RAPGEF4: variants seen among roughly 807,000 people sequenced by gnomAD.
The protein encoded by RAPGEF4 is Rap guanine nucleotide exchange factor 4, also known as RAP guanine-nucleotide-exchange factor (GEF) 4.
A neutral mutation model predicts 147.9 loss-of-function variants in RAPGEF4; 66 were observed. That is an observed-to-expected ratio of 0.45 (90% CI 0.37 to 0.55). The LOEUF (loss-of-function observed/expected upper bound fraction) is 0.55. Ranked by LOEUF, RAPGEF4 falls within the 20% of genes least tolerant of loss-of-function variation. The pLI is 0.00. For missense variants in RAPGEF4, 1,071 were observed against 1,257.3 expected, an observed-to-expected ratio of 0.85 and a Z score of 2.24; for synonymous variants, 419 against 442.7, an observed-to-expected ratio of 0.95 and a Z score of 0.67.
intron 4 of RAPGEF4, among the ~76,000 whole-genome samples, chr2:172,868,480 A>G (rs1048264951): frequency 3.3e-5 from 5 of 152,208 alleles, no homozygotes; most frequent in African/African-American, 1.2e-4. Context: ...GTAATGGGGA[A>G]GGGAGACAGA....
At chr2:172,833,586 A>G (rs918737952) in intron 4 of RAPGEF4, among the ~76,000 whole-genome samples, 2 of 152,154 alleles carry the variant, frequency 1.3e-5, no homozygotes, top group African/African-American at 4.8e-5. Flanking sequence ...TGGTCTGTGA[A>G]TGGCTGGTTC....
intron 25 of RAPGEF4, among the ~76,000 whole-genome samples, chr2:173,028,394 GCA>G (rs1696858267): frequency 6.6e-6 from 1 of 152,186 alleles, no homozygotes; most frequent in African/African-American, 2.4e-5. Context: ...GTTAGAAGAA[GCA>G]CACTCTCTCT....
At chr2:172,861,765 A>T (rs1694075527) in intron 4 of RAPGEF4, among the ~76,000 whole-genome samples, 1 of 152,242 alleles carries the variant, frequency 6.6e-6, no homozygotes, top group Non-Finnish European at 1.5e-5. Flanking sequence ...TATTAGACCG[A>T]CAGGAGTGCT....
rs865942580 is a variant in RAPGEF4 at position 173,017,194 on chromosome 2, C to G, written c.1919C>G (p.Pro640Arg). 1.9e-6 allele frequency: 3 copies of G among 1,613,482 alleles called. No individual in the cohort carries two copies. The highest frequency in any genetic ancestry group is 1.6e-4 in the Middle Eastern group (1 of 6,062). Residue 640 changes from proline (P) to arginine (R), a missense_variant, in exon 20 of 31, where the codon CCA (proline) becomes CGA (arginine). By Grantham distance (103) the Pro-to-Arg change is moderately radical (BLOSUM62 -2). Coordinates refer to ENST00000397081, the MANE Select transcript of RAPGEF4 (RefSeq NM_007023.4). ...CGTAGCTCAGAAGATGCAAAGGCACCACAAAAGAAGGTAGGTGGCATGAAC... is the reference window on the plus strand; with the variant it reads ...CGTAGCTCAGAAGATGCAAAGGCACGACAAAAGAAGGTAGGTGGCATGAAC... ...VKQISEDAKA[P>R]QKKHKVLLQQ...
At chr2:173,048,499 C>T in intron 29 of RAPGEF4, 101 bp from the exon 30 acceptor site, 2 of 1,538,588 alleles carry the variant, frequency 1.3e-6, no homozygotes, top group Non-Finnish European at 1.8e-6. Flanking sequence ...CATGTCACTT[C>T]TCATGGTACC....
intron 4 of RAPGEF4, among the ~76,000 whole-genome samples, chr2:172,829,210 G>A (rs533949781): frequency 6.6e-6 from 1 of 152,350 alleles, no homozygotes; most frequent in Non-Finnish European, 1.5e-5. Context: ...TGGACTAGAG[G>A]CCTGCAGGTC....
intron 6 of RAPGEF4, among the ~76,000 whole-genome samples, chr2:172,949,558 A>G (rs1454836229): frequency 1.3e-5 from 2 of 152,234 alleles, no homozygotes; most frequent in Non-Finnish European, 2.9e-5. Context: ...AAGGATGAGA[A>G]AAGTCACCTG....
At chr2:172,803,965 G>A (rs1382850089) in intron 3 of RAPGEF4, among the ~76,000 whole-genome samples, 2 of 152,122 alleles carry the variant, frequency 1.3e-5, no homozygotes, top group African/African-American at 4.8e-5. Context: ...AGACTATCAT[G>A]AGAACAGTGC....
At chr2:173,029,334 A>T (rs995583595) in intron 25 of RAPGEF4, among the ~76,000 whole-genome samples, 1 of 152,260 alleles carries the variant, frequency 6.6e-6, no homozygotes, top group African/African-American at 2.4e-5. Context: ...TTGATTCAGG[A>T]TGAAGGATTT....
chr2:172,886,835 CTT>C (rs570219274), intron 4 of RAPGEF4, among the ~76,000 whole-genome samples: 27 of 151,950 alleles, frequency 1.8e-4, no homozygotes, highest in African/African-American at 5.8e-4. Context: ...CAGACTCTTG[CTT>C]GTTTGAAAAG....
intron 25 of RAPGEF4, among the ~76,000 whole-genome samples, chr2:173,029,411 T>G (rs192974290): frequency 8.2e-4 from 125 of 152,352 alleles, no homozygotes; most frequent in East Asian, 5.2e-3. Flanking sequence ...GGGGTTTCTC[T>G]TTCTAAAAAA....
chr2:172,736,464 G>T (rs1693783104), intron 1 of RAPGEF4, among the ~76,000 whole-genome samples: 1 of 152,212 alleles, frequency 6.6e-6, no homozygotes, highest in Non-Finnish European at 1.5e-5. Context: ...ACCGGCAGGT[G>T]CAGAGTAACA....
chr2:173,022,693 A>G (rs1044406544), intron 23 of RAPGEF4, among the ~76,000 whole-genome samples: 2 of 152,214 alleles, frequency 1.3e-5, no homozygotes, highest in African/African-American at 2.4e-5. Context: ...CGCTAAAGCC[A>G]GAGAGATGAG....
chr2:172,999,030 T>A (rs1375103347), intron 16 of RAPGEF4, among the ~76,000 whole-genome samples: 1 of 152,186 alleles, frequency 6.6e-6, no homozygotes, highest in East Asian at 1.9e-4. Context: ...TTTGTTTTTT[T>A]AATTACTGTT....
At chr2:172,737,043 A>G (rs1398194448) in intron 1 of RAPGEF4, among the ~76,000 whole-genome samples, 2 of 152,274 alleles carry the variant, frequency 1.3e-5, no homozygotes, top group Non-Finnish European at 2.9e-5. Context: ...CAAACTTGAA[A>G]ATCTTAAGTG....
chr2:173,044,265 G>A (rs1218118997), intron 29 of RAPGEF4, among the ~76,000 whole-genome samples: 2 of 126,818 alleles, frequency 1.6e-5, no homozygotes, highest in Admixed American at 9.1e-5. Flanking sequence ...CTGTCATGGC[G>A]CCGGGGGGCG....
rs73977740 is a variant in RAPGEF4 at position 172,965,418 on chromosome 2, G to A, written c.699-144G>A. 4,790 of 897,780 alleles carry A rather than the reference G, an allele frequency of 5.3e-3. 140 individuals carry two copies. The African/African-American group carries it at 0.062, about 12-fold the overall frequency. 55.6% of individuals were successfully genotyped at this position (897,780 alleles called of 1,614,324 possible). On this transcript the variant is annotated intron_variant, in intron 8 of 30. Transcript: ENST00000397081. ...TAGCATTTGAGAACCTGAAGCTACCGCGTGTGGTGCTTTGTTTGCCATGAG... is the reference window on the plus strand; with the variant it reads ...TAGCATTTGAGAACCTGAAGCTACCACGTGTGGTGCTTTGTTTGCCATGAG...
In RAPGEF4 at chr2:172,953,022, T is replaced by C. The variant is rs78314705; in HGVS notation, c.538-7738T>C. 1.5e-3 allele frequency among the ~76,000 whole-genome samples: 224 copies of C among 152,204 alleles called. 6 individuals are homozygous for C. The East Asian group carries it at 0.04, about 27-fold the overall frequency. ...ACAGGGGGGGTCCAGGCAGCCTGTT[T>C]CCTGGAAGCGCTTCCTTCGTCCGGT... On this transcript the variant is annotated intron_variant, in intron 6 of 30. Coordinates refer to ENST00000397081, the MANE Select transcript of RAPGEF4 (RefSeq NM_007023.4).
At chr2:172,855,703 G>C (rs1012076088) in intron 4 of RAPGEF4, among the ~76,000 whole-genome samples, 5 of 152,094 alleles carry the variant, frequency 3.3e-5, no homozygotes, top group Admixed American at 2.0e-4. Context: ...GTTGGATATA[G>C]AATTCTAGCT....
Sources: gnomAD v4.1 joint callset for allele counts (sites outside exome capture counted in the v4.1 genomes callset) on GRCh38, gnomAD v4.1.1 for gene constraint, MANE v1.5 for transcripts, NCBI Gene and HGNC (gene_info 2026-07-23, HGNC 2026-07-21) for gene names.